The following PEX11B variants were observed in gnomAD, a reference collection of about 807,000 sequenced individuals.
PEX11B encodes peroxisomal membrane protein 11B.
In PEX11B, 18 loss-of-function variants were observed where a neutral mutation model predicts 28.2. That is an observed-to-expected ratio of 0.64 (90% CI 0.44 to 0.95). PEX11B has a LOEUF of 0.95. Ranked by LOEUF, PEX11B falls within the 40% of genes least tolerant of loss-of-function variation. PEX11B has a pLI of 0.00. For synonymous variants in PEX11B, 128 were observed against 128.7 expected (o/e 0.99, Z 0.04); for missense variants, 305 against 319.8 (o/e 0.95, Z 0.35).
At chr1:145,918,515 C>A in intron 1 of PEX11B, 118 bp downstream of exon 1, 1 of 1,539,586 alleles carries the variant, frequency 6.5e-7, no homozygotes, top group Non-Finnish European at 8.7e-7. Flanking sequence ...CGTTCGGGCC[C>A]CCGTAGCCGG....
At chr1:145,914,371 C>T (rs1213522328) in intron 3 of PEX11B, among the ~76,000 whole-genome samples, 1 of 144,422 alleles carries the variant, frequency 6.9e-6, no homozygotes, top group Non-Finnish European at 1.5e-5. Context: ...AAGACTCCAT[C>T]TCAAAAAAAA....
At chr1:145,916,726 A>G (rs1196044470) in intron 3 of PEX11B, 91 bp downstream of exon 3, 30 of 903,552 alleles carry the variant, frequency 3.3e-5, no homozygotes, top group Non-Finnish European at 1.1e-5. Flanking sequence ...ATACTCTGGA[A>G]AGATCCTAAG....
At chr1:145,916,309 G>GT in intron 3 of PEX11B, among the ~76,000 whole-genome samples, 1 of 152,188 alleles carries the variant, frequency 6.6e-6, no homozygotes, top group Non-Finnish European at 1.5e-5. Context: ...TTCTCAAAGA[G>GT]TTTTTTCCTG....
chr1:145,917,943 C>A, intron 1 of PEX11B, 127 bp from the exon 2 acceptor site: 1 of 1,411,282 alleles, frequency 7.1e-7, no homozygotes, highest in Non-Finnish European at 9.4e-7. Flanking sequence ...CTCCTCCATG[C>A]CCATATCTCA....
chr1:145,914,761 C>T (rs1553753669), intron 3 of PEX11B, among the ~76,000 whole-genome samples: 1 of 152,242 alleles, frequency 6.6e-6, no homozygotes, highest in Non-Finnish European at 1.5e-5. Context: ...ATCTAAAGCA[C>T]TGAGTCAGTT....
rs1391491822 is a variant in PEX11B at position 145,911,704 on chromosome 1, T to C, written c.*457A>G. Reference sequence around the variant, plus strand: ...TAGTCTTAAAAATTATGTTTGGAGTTTGAAGGAGGAAAAATCTGCCATAAG... The same window carrying C: ...TAGTCTTAAAAATTATGTTTGGAGTCTGAAGGAGGAAAAATCTGCCATAAG... On this transcript the variant is annotated 3_prime_UTR_variant, in exon 4 of 4. Coordinates refer to ENST00000369306, the MANE Select transcript of PEX11B (RefSeq NM_003846.3). 3 of 155,696 alleles carry C rather than the reference T, an allele frequency of 1.9e-5. No homozygotes were observed. The highest frequency in any genetic ancestry group is 1.6e-4 in the East Asian group (1 of 6,300). The allele number at this position is 155,696 out of a possible 1,614,324, so 9.6% of individuals were successfully genotyped here.
chr1:145,916,605 T>C (rs2101862275), intron 3 of PEX11B, among the ~76,000 whole-genome samples: 1 of 152,288 alleles, frequency 6.6e-6, no homozygotes, highest in African/African-American at 2.4e-5. Flanking sequence ...CCTTGCACAA[T>C]ATTAGTCATT....
At position 145,917,834 on chromosome 1, in the gene PEX11B, C is replaced by G; in HGVS notation, c.57-18G>C. On this transcript the variant is annotated intron_variant, in intron 1 of 3. Transcript: ENST00000369306. The stretch of plus-strand genomic sequence containing the variant: ...GGGCGGCCCTAGAGGAGAGGGCAGG[C>G]AAGGTAAGGTGGAGACCTCCCTAAC... 1 of 1,574,496 alleles carries G rather than the reference C, an allele frequency of 6.4e-7. No individual in the cohort carries two copies. The highest frequency in any genetic ancestry group is 8.7e-7 in the Non-Finnish European group (1 of 1,144,424).
At chr1:145,915,475 T>G (rs1647324906) in intron 3 of PEX11B, among the ~76,000 whole-genome samples, 1 of 151,834 alleles carries the variant, frequency 6.6e-6, no homozygotes, top group African/African-American at 2.4e-5. Context: ...CGAAAAACAA[T>G]ACAGATAATA....
At chr1:145,916,069 C>T (rs1647361196) in intron 3 of PEX11B, among the ~76,000 whole-genome samples, 1 of 152,170 alleles carries the variant, frequency 6.6e-6, no homozygotes, top group African/African-American at 2.4e-5. Context: ...GCCTAAAAGG[C>T]CCTGTATGAA....
intron 1 of PEX11B, 37 bp downstream of exon 1, chr1:145,918,596 C>CT: frequency 1.3e-6 from 2 of 1,561,168 alleles, no homozygotes; most frequent in South Asian, 1.2e-5. Flanking sequence ...CTGTCCATCC[C>CT]TCCCCCGCCC....
At chr1:145,915,589 C>T (rs1462691110) in intron 3 of PEX11B, among the ~76,000 whole-genome samples, 1 of 151,974 alleles carries the variant, frequency 6.6e-6, no homozygotes, top group Admixed American at 6.6e-5. Context: ...AGGGCATCTC[C>T]TCCTCTCTTG....
chr1:145,913,087 CAAAAAA>C (rs79816387), intron 3 of PEX11B, among the ~76,000 whole-genome samples: 4 of 65,604 alleles, frequency 6.1e-5, no homozygotes, highest in Non-Finnish European at 1.4e-4. Context: ...GACTCTGTCT[CAAAAAA>C]AAAAAAAAAA....
chr1:145,913,592 AACACAC>A (rs56031424), intron 3 of PEX11B, among the ~76,000 whole-genome samples: 7,948 of 142,734 alleles, frequency 0.056, 646 homozygotes, highest in African/African-American at 0.18. Flanking sequence ...TCCACTTGGC[AACACAC>A]ACACACACAC....
chr1:145,918,519 T>C (rs1647550874), intron 1 of PEX11B, 114 bp downstream of exon 1: 1 of 1,540,288 alleles, frequency 6.5e-7, no homozygotes, highest in Admixed American at 2.0e-5. Flanking sequence ...CGGGCCCCCG[T>C]AGCCGGAGTT....
At chr1:145,913,192 G>A (rs1214461347) in intron 3 of PEX11B, among the ~76,000 whole-genome samples, 1 of 152,036 alleles carries the variant, frequency 6.6e-6, no homozygotes, top group Non-Finnish European at 1.5e-5. Flanking sequence ...AAGCGTATAA[G>A]TTTCAGTTAT....
At chr1:145,913,118 G>C (rs1165012978) in intron 3 of PEX11B, among the ~76,000 whole-genome samples, 1 of 151,988 alleles carries the variant, frequency 6.6e-6, no homozygotes, top group African/African-American at 2.4e-5. Flanking sequence ...AACTCATAGG[G>C]GCACAGAATA....
At chr1:145,913,191 A>C (rs1275067398) in intron 3 of PEX11B, among the ~76,000 whole-genome samples, 4 of 152,114 alleles carry the variant, frequency 2.6e-5, no homozygotes, top group African/African-American at 9.7e-5. Context: ...AAAGCGTATA[A>C]GTTTCAGTTA....
At chr1:145,913,546 C>A (rs782170226) in intron 3 of PEX11B, among the ~76,000 whole-genome samples, 1 of 151,444 alleles carries the variant, frequency 6.6e-6, no homozygotes, top group Non-Finnish European at 1.5e-5. Context: ...CCATGAGCAT[C>A]ATGAAATCTT....
Sources: gnomAD v4.1 joint callset for allele counts (sites outside exome capture counted in the v4.1 genomes callset) on GRCh38, gnomAD v4.1.1 for gene constraint, MANE v1.5 for transcripts, NCBI Gene and HGNC (gene_info 2026-07-23, HGNC 2026-07-21) for gene names.